The following AFAP1 variants were observed in gnomAD, a reference collection of about 807,000 sequenced individuals.
AFAP1 encodes actin filament associated protein 1.
In AFAP1, 75 loss-of-function variants were observed where a neutral mutation model predicts 93.9. The observed-to-expected ratio is 0.80, with a 90% CI of 0.66 to 0.97. AFAP1 has a LOEUF of 0.97. AFAP1 is among the 50% of genes least tolerant of loss of function. The pLI is 0.00. For missense variants in AFAP1, 1,201 were observed against 1,050.8 expected, an observed-to-expected ratio of 1.14 and a Z score of -1.98; for synonymous variants, 517 against 430.7, an observed-to-expected ratio of 1.20 and a Z score of -2.48.
chr4:7,799,113 A>G (rs1718773641), intron 10 of AFAP1: 1 of 984,198 alleles, frequency 1.0e-6, no homozygotes, highest in Non-Finnish European at 1.2e-6. Context: ...ACGGTGGGTA[A>G]AGAAGCTGAG....
At chr4:7,818,941 G>T in intron 7 of AFAP1, 135 bp downstream of exon 7, 1 of 768,256 alleles carries the variant, frequency 1.3e-6, no homozygotes, top group Non-Finnish European at 2.0e-6. Flanking sequence ...CAGTTAAAAA[G>T]ATGGGAAGCA....
At chr4:7,836,752 C>T (rs4355390) in intron 6 of AFAP1, among the ~76,000 whole-genome samples, 84,275 of 151,802 alleles carry the variant, frequency 0.56, 23,941 homozygotes, top group Admixed American at 0.64. Context: ...CCAGCCAGTA[C>T]AGTGTTCTTT....
intron 9 of AFAP1, among the ~76,000 whole-genome samples, chr4:7,801,340 G>C (rs998014378): frequency 2.6e-5 from 4 of 152,022 alleles, no homozygotes; most frequent in African/African-American, 9.7e-5. Context: ...CTTCATGAAA[G>C]TTTGTGATCC....
intron 1 of AFAP1, among the ~76,000 whole-genome samples, chr4:7,882,137 C>T (rs1717886648): frequency 6.6e-6 from 1 of 152,076 alleles, no homozygotes; most frequent in Admixed American, 6.5e-5. Flanking sequence ...AGTACCACAC[C>T]CTCCACAAGA....
At chr4:7,907,717 T>C (rs1194336271) in intron 1 of AFAP1, among the ~76,000 whole-genome samples, 1 of 152,126 alleles carries the variant, frequency 6.6e-6, no homozygotes, top group African/African-American at 2.4e-5. Flanking sequence ...CCAGCAAGTA[T>C]AATACATATT....
intron 1 of AFAP1, among the ~76,000 whole-genome samples, chr4:7,894,645 C>G (rs1718664009): frequency 6.6e-6 from 1 of 152,192 alleles, no homozygotes; most frequent in Admixed American, 6.5e-5. Flanking sequence ...ACCACCATAA[C>G]TGTGTTGGCT....
chr4:7,936,582 A>ATTTTT (rs56364092), intron 1 of AFAP1, among the ~76,000 whole-genome samples: 2 of 135,542 alleles, frequency 1.5e-5, no homozygotes, highest in Admixed American at 7.4e-5. Context: ...ACAAGCGGTA[A>ATTTTT]TTTTTTTTTT....
intron 5 of AFAP1, among the ~76,000 whole-genome samples, chr4:7,840,534 G>C (rs916162616): frequency 6.6e-6 from 1 of 152,000 alleles, no homozygotes; most frequent in South Asian, 2.1e-4. Flanking sequence ...GGCTGGTCTC[G>C]AACTCCTGAC....
At chr4:7,906,462 CCCT>C (rs998643634) in intron 1 of AFAP1, among the ~76,000 whole-genome samples, 12 of 152,174 alleles carry the variant, frequency 7.9e-5, no homozygotes, top group Non-Finnish European at 1.6e-4. Flanking sequence ...TTTTCCACCC[CCCT>C]ATTCCGGAGA....
intron 8 of AFAP1, among the ~76,000 whole-genome samples, chr4:7,815,479 G>A (rs940143092): frequency 1.3e-5 from 2 of 152,132 alleles, no homozygotes; most frequent in African/African-American, 4.8e-5. Context: ...GACATTTTCA[G>A]AAAATCACTT....
At chr4:7,830,347 G>T (rs559533376) in intron 6 of AFAP1, among the ~76,000 whole-genome samples, 1 of 152,190 alleles carries the variant, frequency 6.6e-6, no homozygotes, top group Non-Finnish European at 1.5e-5. Flanking sequence ...CAATTCCAAT[G>T]TAACAGGAGC....
chr4:7,885,850 C>T (rs111343846), intron 1 of AFAP1, among the ~76,000 whole-genome samples: 4 of 152,292 alleles, frequency 2.6e-5, no homozygotes, highest in South Asian at 4.1e-4. Context: ...TTGATCACCA[C>T]CTGTTCAGGG....
chr4:7,816,593 T>C (rs1271330584), intron 7 of AFAP1, among the ~76,000 whole-genome samples: 2 of 152,086 alleles, frequency 1.3e-5, no homozygotes, highest in Admixed American at 6.6e-5. Context: ...TCAAAACCCT[T>C]GGAGGGGGAT....
At chr4:7,914,394 T>C (rs1430338982) in intron 1 of AFAP1, among the ~76,000 whole-genome samples, 1 of 152,206 alleles carries the variant, frequency 6.6e-6, no homozygotes, top group Non-Finnish European at 1.5e-5. Context: ...TAAGAGAACA[T>C]GCGGTGTTTA....
chr4:7,800,422 G>A lies in AFAP1; in HGVS notation c.1266+20C>T. 6.2e-7 allele frequency: 1 copy of A among 1,612,342 alleles called. No individual in the cohort carries two copies. The highest frequency in any genetic ancestry group is 2.2e-5 in the East Asian group (1 of 44,870). On this transcript the variant is annotated intron_variant, in intron 10 of 17. Coordinates refer to ENST00000420658, the MANE Select transcript of AFAP1 (RefSeq NM_001134647.2). ...CGCGTGTGTCCCTCTGTGGAGTACA[G>A]CCCCTGGGAAATATCCTACCTCCAA...
In AFAP1 at chr4:7,760,203, C is replaced by A. The variant is rs891450920; in HGVS notation, c.*3562G>T. The A allele has an allele frequency of 2.0e-5, 3 of 152,210 alleles. No homozygotes were observed. The highest frequency in any genetic ancestry group is 1.3e-4 in the Admixed American group (2 of 15,284). The allele number at this position is 152,210 out of a possible 1,614,324, so 9.4% of individuals were successfully genotyped here. A position where few individuals can be genotyped will look rare whatever the true frequency, so the allele number is the denominator to read the frequency against. On this transcript the variant is annotated 3_prime_UTR_variant, in exon 18 of 18. Coordinates refer to ENST00000420658, the MANE Select transcript of AFAP1 (RefSeq NM_001134647.2). ...AGAGCTGAGGCCACACTTTTTGAAA[C>A]AGACTTTTCAAAAGGAGTAAATCTC...
intron 1 of AFAP1, among the ~76,000 whole-genome samples, chr4:7,890,593 A>T (rs34712341): frequency 0.11 from 17,443 of 152,262 alleles, 1,163 homozygotes; most frequent in Non-Finnish European, 0.16. Context: ...TTGTAACAAC[A>T]CACTGAATAC....
At chr4:7,850,783 A>C (rs1282085044) in intron 4 of AFAP1, among the ~76,000 whole-genome samples, 1 of 152,242 alleles carries the variant, frequency 6.6e-6, no homozygotes, top group African/African-American at 2.4e-5. Flanking sequence ...TCCAGAGCCA[A>C]GGGCATCCGC....
At chr4:7,921,864 G>A (rs971495139) in intron 1 of AFAP1, among the ~76,000 whole-genome samples, 8 of 152,202 alleles carry the variant, frequency 5.3e-5, no homozygotes, top group African/African-American at 1.7e-4. Flanking sequence ...GGTGGCTCAC[G>A]CCTGTAATCC....
Sources: allele counts gnomAD v4.1 joint callset (sites outside exome capture counted in the v4.1 genomes callset), GRCh38; gene constraint gnomAD v4.1.1; transcripts MANE v1.5; gene names NCBI Gene and HGNC (gene_info 2026-07-23, HGNC 2026-07-21).